ADAMTSL1: variants seen among roughly 807,000 people sequenced by gnomAD.
ADAMTSL1 encodes the protein ADAMTS-like protein 1.
ADAMTSL1 carries 126 observed loss-of-function variants against 201.8 expected under a neutral mutation model. The ratio of observed to expected loss-of-function variants is 0.62; its 90% CI spans 0.54 to 0.72. ADAMTSL1 has a LOEUF of 0.72. Among genes scored for constraint, ADAMTSL1 ranks in the 30% least tolerant of loss-of-function variants. ADAMTSL1 has a pLI of 0.00. For synonymous variants in ADAMTSL1, 1,121 were observed against 903.4 expected (o/e 1.24, Z -4.32); for missense variants, 2,679 against 2,277.8 (o/e 1.18, Z -3.59).
intron 2 of ADAMTSL1, among the ~76,000 whole-genome samples, chr9:18,245,888 C>T (rs985296537): frequency 7.2e-5 from 11 of 152,022 alleles, no homozygotes; most frequent in African/African-American, 2.7e-4. Flanking sequence ...TTAGCCGCCA[C>T]CTTAGAAACT....
intron 21 of ADAMTSL1, among the ~76,000 whole-genome samples, chr9:18,824,007 A>G (rs1419313556): frequency 6.6e-6 from 1 of 151,826 alleles, no homozygotes; most frequent in Non-Finnish European, 1.5e-5. Flanking sequence ...AAGAAAAGGA[A>G]GGAAGGAAGG....
intron 1 of ADAMTSL1, among the ~76,000 whole-genome samples, chr9:18,124,436 C>G (rs1439814675): frequency 6.6e-6 from 1 of 152,114 alleles, no homozygotes; most frequent in African/African-American, 2.4e-5. Flanking sequence ...AAATTCTTGT[C>G]ATTTTATTGT....
intron 1 of ADAMTSL1, among the ~76,000 whole-genome samples, chr9:18,078,657 T>C (rs1442174851): frequency 6.6e-6 from 1 of 151,012 alleles, no homozygotes; most frequent in African/African-American, 2.5e-5. Flanking sequence ...TCTAGACTTC[T>C]CTTCTAAGCC....
chr9:18,595,138 G>T (rs545912006), intron 4 of ADAMTSL1, among the ~76,000 whole-genome samples: 54 of 152,124 alleles, frequency 3.5e-4, no homozygotes, highest in Non-Finnish European at 6.9e-4. Context: ...GAGTAATAGG[G>T]CTATGTGGGA....
At chr9:18,803,078 A>C (rs564829252) in intron 20 of ADAMTSL1, among the ~76,000 whole-genome samples, 1 of 152,378 alleles carries the variant, frequency 6.6e-6, no homozygotes, top group South Asian at 2.1e-4. Context: ...CATAACAAAT[A>C]ACCACATACT....
intron 3 of ADAMTSL1, among the ~76,000 whole-genome samples, chr9:18,567,478 T>G (rs1029143730): frequency 2.7e-4 from 41 of 151,922 alleles, no homozygotes; most frequent in Non-Finnish European, 5.6e-4. Context: ...ACAAAAAGGT[T>G]TTGGCCTGAA....
chr9:18,596,394 A>T (rs746140378), intron 4 of ADAMTSL1, among the ~76,000 whole-genome samples: 23 of 151,942 alleles, frequency 1.5e-4, no homozygotes, highest in Non-Finnish European at 3.1e-4. Flanking sequence ...GGACTAATTT[A>T]CTAGGTTCTT....
rs751978972 is a variant in ADAMTSL1 at position 18,886,166 on chromosome 9, GTATATATATATATA to G, written c.4250-1632_4250-1619del. On this transcript the variant is annotated intron_variant, in intron 23 of 28. Coordinates refer to ENST00000380548, the MANE Select transcript of ADAMTSL1 (RefSeq NM_001040272.6). ...TATATATACATGTGAGTGTGTATGTGTATATATATATATATATATATATATATATATATATATAT... is the reference window on the plus strand; with the variant it reads ...TATATATACATGTGAGTGTGTATGTGTATATATATATATATATATATATAT... Among the ~76,000 whole-genome samples, 39 of 37,148 alleles carry G rather than the reference GTATATATATATATA, an allele frequency of 1.0e-3. 1 individual carries two copies. The highest frequency in any genetic ancestry group is 1.6e-3 in the East Asian group (3 of 1,858). The allele number at this position is 37,148 out of a possible 152,430, so 24.4% of individuals were successfully genotyped here.
intron 2 of ADAMTSL1, among the ~76,000 whole-genome samples, chr9:18,351,041 A>G (rs1835943099): frequency 6.6e-6 from 1 of 152,170 alleles, no homozygotes; most frequent in African/African-American, 2.4e-5. Context: ...AGACTTAGCT[A>G]TTTGTAACCT....
intron 2 of ADAMTSL1, among the ~76,000 whole-genome samples, chr9:18,386,466 C>T (rs1403967415): frequency 6.6e-6 from 1 of 152,146 alleles, no homozygotes; most frequent in Non-Finnish European, 1.5e-5. Flanking sequence ...AATTTGCTAT[C>T]AGACTTCTTC....
intron 1 of ADAMTSL1, among the ~76,000 whole-genome samples, chr9:18,125,751 T>A (rs188478175): frequency 8.5e-5 from 13 of 152,326 alleles, no homozygotes; most frequent in African/African-American, 2.4e-4. Flanking sequence ...AAAGAACTTT[T>A]CTATATTGCA....
chr9:18,423,722 C>A (rs555914430), intron 2 of ADAMTSL1, among the ~76,000 whole-genome samples: 4 of 152,116 alleles, frequency 2.6e-5, no homozygotes, highest in East Asian at 1.9e-4. Context: ...GCCTGAGCTG[C>A]GTTAGAAAAG....
At chr9:18,908,131 C>T (rs1369707148) in intron 28 of ADAMTSL1, 2 of 382,508 alleles carry the variant, frequency 5.2e-6, no homozygotes, top group African/African-American at 2.1e-5. Context: ...TGAGGTAATC[C>T]CAAGAAGATA....
chr9:18,080,311 G>A lies in ADAMTSL1; in HGVS notation c.88-83551G>A, dbSNP rs144758134. On this transcript the variant is annotated intron_variant, in intron 1 of 29. Transcript: ENST00000680146. ...TGGATGGTGTCAGACTCAGAGGAGCGGTGGTTTTTGTAAGACTGAGGCAGA... is the reference window on the plus strand; with the variant it reads ...TGGATGGTGTCAGACTCAGAGGAGCAGTGGTTTTTGTAAGACTGAGGCAGA... Among the ~76,000 whole-genome samples, 637 of 152,248 alleles carry A rather than the reference G, an allele frequency of 4.2e-3. 4 individuals are homozygous for A. The highest frequency in any genetic ancestry group is 0.014 in the Middle Eastern group (4 of 294).
intron 1 of ADAMTSL1, among the ~76,000 whole-genome samples, chr9:18,068,128 T>G (rs1033023199): frequency 2.0e-5 from 3 of 152,126 alleles, no homozygotes; most frequent in Non-Finnish European, 2.9e-5. Flanking sequence ...AAAACGTACT[T>G]CCTGTGAATC....
At chr9:18,703,707 T>C (rs1380653261) in intron 13 of ADAMTSL1, among the ~76,000 whole-genome samples, 3 of 73,752 alleles carry the variant, frequency 4.1e-5, no homozygotes, top group South Asian at 5.2e-4. Flanking sequence ...CATACATATA[T>C]ATATATATAT....
intron 9 of ADAMTSL1, among the ~76,000 whole-genome samples, chr9:18,672,499 T>A (rs1157980394): frequency 6.6e-6 from 1 of 152,192 alleles, no homozygotes; most frequent in Non-Finnish European, 1.5e-5. Context: ...GTTTTTTATA[T>A]GTGTGTGCAT....
At chr9:18,039,925 G>A (rs999954824) in intron 1 of ADAMTSL1, among the ~76,000 whole-genome samples, 2 of 152,202 alleles carry the variant, frequency 1.3e-5, no homozygotes, top group African/African-American at 4.8e-5. Flanking sequence ...ATAGAAATTG[G>A]CAGTTTTCCT....
chr9:18,364,871 C>T (rs1282164437), intron 2 of ADAMTSL1, among the ~76,000 whole-genome samples: 1 of 151,988 alleles, frequency 6.6e-6, no homozygotes, highest in Non-Finnish European at 1.5e-5. Flanking sequence ...TTTTGAACAA[C>T]CAGACCTCAC....
Sources: allele counts gnomAD v4.1 joint callset (sites outside exome capture counted in the v4.1 genomes callset), GRCh38; gene constraint gnomAD v4.1.1; transcripts MANE v1.5; gene names NCBI Gene and HGNC (gene_info 2026-07-23, HGNC 2026-07-21).